CA6: variants seen among roughly 807,000 people sequenced by gnomAD.
The protein encoded by CA6 is carbonic anhydrase 6, also known as carbonate dehydratase VI.
CA6 carries 28 observed loss-of-function variants against 35.9 expected under a neutral mutation model. The observed-to-expected ratio is 0.78, with a 90% CI of 0.58 to 1.07. The LOEUF is 1.07. CA6 is among the 50% of genes least tolerant of loss of function. The pLI is 0.00. For synonymous variants in CA6, 148 were observed against 152.6 expected, an observed-to-expected ratio of 0.97 and a Z score of 0.22; for missense variants, 377 against 382.0, an observed-to-expected ratio of 0.99 and a Z score of 0.11.
intron 4 of CA6, among the ~76,000 whole-genome samples, chr1:8,962,246 A>AAAC (rs1291260861): frequency 6.7e-6 from 1 of 149,966 alleles, no homozygotes; most frequent in African/African-American, 2.5e-5. Flanking sequence ...TTAAAAAAAA[A>AAAC]AAAAAACTCA....
At chr1:8,956,662 G>A (rs1283093942) in intron 2 of CA6, among the ~76,000 whole-genome samples, 1 of 152,072 alleles carries the variant, frequency 6.6e-6, no homozygotes, top group Admixed American at 6.6e-5. Flanking sequence ...AACAGAGTGA[G>A]CATGAAAAAA....
chr1:8,952,272 G>C (rs1639559034), intron 2 of CA6: 1 of 151,816 alleles, frequency 6.6e-6, no homozygotes, highest in Non-Finnish European at 1.5e-5. Context: ...GAGTAGATGG[G>C]ACTACAGGCG....
chr1:8,962,550 TC>T (rs768886983), intron 4 of CA6, 36 bp from the exon 5 acceptor site: 24 of 1,562,474 alleles, frequency 1.5e-5, no homozygotes, highest in Non-Finnish European at 1.8e-6. Context: ...TGGGGCCTCT[TC>T]TTCACTTACG....
chr1:8,965,639 G>C (rs1639949202), intron 5 of CA6, among the ~76,000 whole-genome samples: 1 of 152,032 alleles, frequency 6.6e-6, no homozygotes, highest in Admixed American at 6.6e-5. Context: ...TGTAATTCCA[G>C]TACTTTGGGA....
At chr1:8,950,014 CTG>C (rs1485756109) in intron 2 of CA6, among the ~76,000 whole-genome samples, 1 of 151,974 alleles carries the variant, frequency 6.6e-6, no homozygotes, top group African/African-American at 2.4e-5. Flanking sequence ...GAGTCTCACT[CTG>C]TTGCCCAGGC....
intron 4 of CA6, among the ~76,000 whole-genome samples, chr1:8,959,281 A>G (rs777506925): frequency 6.6e-6 from 1 of 151,138 alleles, no homozygotes; most frequent in Non-Finnish European, 1.5e-5. Flanking sequence ...GAAACCTGCA[A>G]CTCAGTCAGA....
rs1431192192 is a variant in CA6 at position 8,963,547 on chromosome 1, C to T, written c.571+891C>T. On this transcript the variant is annotated intron_variant, in intron 5 of 7. Transcript: ENST00000377443. This position sits in a 1 kb window ranked among gnomAD's most constrained non-coding sequence, Gnocchi z 4.1. ...ATAGACATCTAACTGGTATTATTAT[C>T]GTTATTATTTTTGAGACATGGTCTT... is the stretch of plus-strand genomic sequence containing the variant. Among the ~76,000 whole-genome samples, 2 of 152,038 alleles carry T rather than the reference C, an allele frequency of 1.3e-5. No individual in the cohort carries two copies. The highest frequency in any genetic ancestry group is 6.6e-5 in the Admixed American group (1 of 15,244).
chr1:8,962,749 T>A, intron 5 of CA6, 93 bp downstream of exon 5: 1 of 1,097,456 alleles, frequency 9.1e-7, no homozygotes, highest in Non-Finnish European at 1.4e-6. Flanking sequence ...TTGATGCTGG[T>A]GGGGAGGGTG....
chr1:8,948,451 A>T (rs991582845), intron 1 of CA6, among the ~76,000 whole-genome samples: 1 of 151,490 alleles, frequency 6.6e-6, no homozygotes, highest in Non-Finnish European at 1.5e-5. Flanking sequence ...TCTTTACCAT[A>T]CGGGAATCCA....
At chr1:8,946,096 A>G (rs1639356641) in intron 1 of CA6, 131 bp downstream of exon 1, 2 of 625,076 alleles carry the variant, frequency 3.2e-6, no homozygotes, top group Admixed American at 3.0e-5. Flanking sequence ...TGAGTACAGT[A>G]GTGTGATGTT....
intron 2 of CA6, among the ~76,000 whole-genome samples, chr1:8,950,501 C>G (rs1639502457): frequency 6.6e-6 from 1 of 151,946 alleles, no homozygotes; most frequent in Non-Finnish European, 1.5e-5. Context: ...TGGCCACATC[C>G]TCCTTAGGTT....
At chr1:8,947,148 A>G (rs925302934) in intron 1 of CA6, among the ~76,000 whole-genome samples, 1 of 152,048 alleles carries the variant, frequency 6.6e-6, no homozygotes, top group Non-Finnish European at 1.5e-5. Flanking sequence ...CCTGGCATTC[A>G]ACATGGGTTC....
Position 8,973,757 on chromosome 1 carries a change from TTTCTTTCTTTCTTTCTTTCTTTCTTTC to T in CA6, c.845-862_845-836del, listed in dbSNP as rs1247279222. Among the ~76,000 whole-genome samples, 322 of 21,928 alleles carry T rather than the reference TTTCTTTCTTTCTTTCTTTCTTTCTTTC, an allele frequency of 0.015. 8 individuals carry two copies. In the East Asian group the frequency reaches 0.17, roughly 11 times the overall value. The allele number at this position is 21,928 out of a possible 152,430, so 14.4% of individuals were successfully genotyped here. On this transcript the variant is annotated intron_variant, in intron 7 of 7. Transcript: ENST00000377443. ...CTTTCTTTCTTTCTTTCTTTCTTTC[TTTCTTTCTTTCTTTCTTTCTTTCTTTC>T]TTTTCCCTCCCTCCCTCTCTCTCTC...
Position 8,962,639 on chromosome 1 carries a change from CCAA to C in CA6, c.557_559del (p.Asn186del). ...TACAGCAACTTCATTTCTCATCTGG[CCAA>C]CATCAAGTACCCAGGTAAGGGAAGC... On this transcript the variant is annotated inframe_deletion, in exon 5 of 8. Transcript: ENST00000377443. 6.2e-7 allele frequency: 1 copy of C among 1,613,722 alleles called. No individual in the cohort carries two copies. Among genetic ancestry groups the C allele is most frequent in the Non-Finnish European group, 8.5e-7 (1 of 1,179,654 alleles).
chr1:8,973,757 T>TTTCC (rs1557635625), intron 7 of CA6, among the ~76,000 whole-genome samples: 5 of 21,928 alleles, frequency 2.3e-4, no homozygotes, highest in African/African-American at 2.0e-3. Flanking sequence ...TCTTTCTTTC[T>TTTCC]TTCTTTCTTT....
At chr1:8,965,342 G>A (rs928416932) in intron 5 of CA6, among the ~76,000 whole-genome samples, 2 of 152,030 alleles carry the variant, frequency 1.3e-5, no homozygotes, top group Non-Finnish European at 2.9e-5. Flanking sequence ...CCATCACCCC[G>A]CTCCATTGCC....
rs1264721613 is a variant in CA6, at chr1:8,963,875, T to C, written c.571+1219T>C. The stretch of plus-strand genomic sequence containing the variant: ...TATTTTTTATTCATAGCTACAAATA[T>C]GAACAGTGCCCAGAAATCCTAAAGT... On this transcript the variant is annotated intron_variant, in intron 5 of 7. Transcript: ENST00000377443. This position sits in a 1 kb window ranked among gnomAD's most constrained non-coding sequence, Gnocchi z 4.1. 1.3e-5 allele frequency among the ~76,000 whole-genome samples: 2 copies of C among 152,196 alleles called. No homozygotes were observed. The highest frequency in any genetic ancestry group is 1.5e-5 in the Non-Finnish European group (1 of 68,028).
chr1:8,951,261 T>C (rs758167630), intron 2 of CA6, among the ~76,000 whole-genome samples: 1 of 151,176 alleles, frequency 6.6e-6, no homozygotes, highest in South Asian at 2.1e-4. Flanking sequence ...TTGTCCTTTA[T>C]AGGGTTGGTG....
intron 6 of CA6, 95 bp from the exon 7 acceptor site, chr1:8,970,772 A>T: frequency 1.2e-6 from 1 of 815,410 alleles, no homozygotes; most frequent in East Asian, 2.5e-5. Context: ...AAATGCTGGG[A>T]TTACAGGCGT....
Sources: gnomAD v4.1 joint callset for allele counts (sites outside exome capture counted in the v4.1 genomes callset) on GRCh38, gnomAD v4.1.1 for gene constraint, Gnocchi (gnomAD v3.1) non-coding constraint, MANE v1.5 for transcripts, NCBI Gene and HGNC (gene_info 2026-07-23, HGNC 2026-07-21) for gene names.